Variants in MDGA2 observed in about 807,000 individuals in gnomAD.
MDGA2 encodes the protein MAM domain containing glycosylphosphatidylinositol anchor 2, also known as MAM domain-containing glycosylphosphatidylinositol anchor protein 2.
MDGA2 carries 40 observed loss-of-function variants against 117.8 expected under a neutral mutation model. The ratio of observed to expected loss-of-function variants is 0.34; its 90% CI spans 0.26 to 0.44. The LOEUF is 0.44. Among genes scored for constraint, MDGA2 ranks in the 20% least tolerant of loss-of-function variants. The pLI is 1.00. For synonymous variants in MDGA2, 452 were observed against 439.0 expected (o/e 1.03, Z -0.37); for missense variants, 1,123 against 1,250.6 (o/e 0.90, Z 1.54).
intron 1 of MDGA2, among the ~76,000 whole-genome samples, chr14:47,460,205 T>A (rs1893453467): frequency 6.6e-6 from 1 of 152,174 alleles, no homozygotes. Context: ...TCTGAGGACA[T>A]CTTGTTCCTG....
intron 6 of MDGA2, among the ~76,000 whole-genome samples, chr14:47,081,035 A>G (rs559043255): frequency 2.0e-5 from 3 of 152,092 alleles, no homozygotes; most frequent in Admixed American, 6.5e-5. Context: ...TCGTGTCTCT[A>G]TGTTACAGTA....
At chr14:47,623,944 G>T (rs1444536578) in intron 1 of MDGA2, among the ~76,000 whole-genome samples, 1 of 152,076 alleles carries the variant, frequency 6.6e-6, no homozygotes, top group East Asian at 1.9e-4. Context: ...AAGAACAATG[G>T]CCGACTTCTT....
At chr14:47,069,920 G>T (rs1325718413) in intron 6 of MDGA2, among the ~76,000 whole-genome samples, 1 of 152,076 alleles carries the variant, frequency 6.6e-6, no homozygotes, top group Non-Finnish European at 1.5e-5. Context: ...TGCCTTATCT[G>T]GTAAGAAGAT....
intron 9 of MDGA2, among the ~76,000 whole-genome samples, chr14:46,951,825 T>C (rs1885380195): frequency 6.6e-6 from 1 of 151,928 alleles, no homozygotes; most frequent in African/African-American, 2.4e-5. Flanking sequence ...TCCTGACACA[T>C]AGAAACTGTG....
intron 1 of MDGA2, among the ~76,000 whole-genome samples, chr14:47,426,871 A>C (rs1892702837): frequency 6.6e-6 from 1 of 151,680 alleles, no homozygotes; most frequent in Admixed American, 6.6e-5. Flanking sequence ...CATTTATAAT[A>C]TACTGCTTGG....
intron 4 of MDGA2, among the ~76,000 whole-genome samples, chr14:47,139,343 A>G (rs1304396968): frequency 6.6e-6 from 1 of 152,036 alleles, no homozygotes; most frequent in Non-Finnish European, 1.5e-5. Context: ...TGCATGTGCT[A>G]ATGTCTCCAC....
chr14:47,000,444 AAT>A (rs1056625560), intron 8 of MDGA2, among the ~76,000 whole-genome samples: 2 of 100,454 alleles, frequency 2.0e-5, no homozygotes, highest in African/African-American at 7.0e-5. Flanking sequence ...TATACATATA[AAT>A]ATATATATAA....
intron 9 of MDGA2, among the ~76,000 whole-genome samples, chr14:46,927,653 T>C (rs1476636499): frequency 1.3e-5 from 2 of 152,308 alleles, no homozygotes; most frequent in East Asian, 3.9e-4. Context: ...TGTAACAATT[T>C]ATAATCCAAC....
At chr14:47,522,235 G>A (rs1894882447) in intron 1 of MDGA2, among the ~76,000 whole-genome samples, 1 of 151,918 alleles carries the variant, frequency 6.6e-6, no homozygotes, top group Admixed American at 6.6e-5. Flanking sequence ...AAGTTAACAT[G>A]TGAAATAGAT....
At chr14:47,078,006 G>A (rs1431698314) in intron 6 of MDGA2, among the ~76,000 whole-genome samples, 2 of 152,078 alleles carry the variant, frequency 1.3e-5, no homozygotes, top group East Asian at 1.9e-4. Context: ...AAAACATCAG[G>A]CCAAGAGAAA....
chr14:47,376,822 T>C (rs1472940016), intron 1 of MDGA2, among the ~76,000 whole-genome samples: 2 of 152,128 alleles, frequency 1.3e-5, no homozygotes, highest in East Asian at 1.9e-4. Flanking sequence ...AAAAAATGCA[T>C]AGCCTTGAGG....
chr14:47,082,787 T>C (rs1334665020), intron 6 of MDGA2, among the ~76,000 whole-genome samples: 1 of 151,394 alleles, frequency 6.6e-6, no homozygotes, highest in African/African-American at 2.4e-5. Context: ...AACAGTAAAA[T>C]AGCTATGATA....
At chr14:47,509,417 T>G (rs1894591342) in intron 1 of MDGA2, among the ~76,000 whole-genome samples, 1 of 151,956 alleles carries the variant, frequency 6.6e-6, no homozygotes, top group African/African-American at 2.4e-5. Flanking sequence ...AAGGGGGAAG[T>G]GTGGGGAGCT....
At chr14:47,011,374 A>T (rs1282043305) in intron 8 of MDGA2, among the ~76,000 whole-genome samples, 2 of 152,006 alleles carry the variant, frequency 1.3e-5, no homozygotes, top group African/African-American at 4.8e-5. Flanking sequence ...TTAAATTTAA[A>T]ATTTAAATAA....
At chr14:47,309,246 A>T (rs1889557339) in intron 1 of MDGA2, among the ~76,000 whole-genome samples, 1 of 152,136 alleles carries the variant, frequency 6.6e-6, no homozygotes, top group Non-Finnish European at 1.5e-5. Context: ...GTTTGATTCC[A>T]TTGGTTATTT....
In MDGA2 at chr14:46,907,491, A is replaced by G. The variant is rs540355966; in HGVS notation, c.2238+12521T>C. On this transcript the variant is annotated intron_variant, in intron 10 of 16. Coordinates refer to ENST00000399232, the MANE Select transcript of MDGA2 (RefSeq NM_001113498.3). ...TAGACCTCTATTGTTCTCATAATAT[A>G]CCACTGTAAATTTTGTCCAAGAGAC... Among the ~76,000 whole-genome samples, 13 of 152,318 alleles carry G rather than the reference A, an allele frequency of 8.5e-5. No individual in the cohort carries two copies. In the South Asian group the frequency reaches 1.9e-3, roughly 22 times the overall value.
chr14:47,638,948 T>C (rs77719302), intron 1 of MDGA2, among the ~76,000 whole-genome samples: 6,909 of 152,202 alleles, frequency 0.045, 145 homozygotes, highest in Middle Eastern at 0.068. Flanking sequence ...TGGCATTCCT[T>C]GAAGATACCA....
chr14:47,565,923 T>G (rs893144959), intron 1 of MDGA2, among the ~76,000 whole-genome samples: 1 of 152,090 alleles, frequency 6.6e-6, no homozygotes, highest in African/African-American at 2.4e-5. Context: ...CTGGCAGCAA[T>G]GGTAGTTTGG....
intron 1 of MDGA2, among the ~76,000 whole-genome samples, chr14:47,576,034 C>G (rs1038056414): frequency 3.3e-5 from 5 of 152,046 alleles, no homozygotes; most frequent in Non-Finnish European, 7.4e-5. Context: ...TGTTTGCTTC[C>G]TCCTTAACCC....
Sources: allele counts gnomAD v4.1 joint callset (sites outside exome capture counted in the v4.1 genomes callset), GRCh38; gene constraint gnomAD v4.1.1; transcripts MANE v1.5; gene names NCBI Gene and HGNC (gene_info 2026-07-23, HGNC 2026-07-21).